Variants in C1orf21 observed in about 807,000 individuals in gnomAD.
The protein encoded by C1orf21 is uncharacterized protein C1orf21.
A neutral mutation model predicts 18.7 loss-of-function variants in C1orf21; 3 were observed. The ratio of observed to expected loss-of-function variants is 0.16; its 90% confidence interval spans 0.07 to 0.42. The LOEUF is 0.42. C1orf21 is among the 10% of genes least tolerant of loss of function. C1orf21 has a pLI of 0.99. For synonymous variants in C1orf21, 41 were observed against 46.4 expected, an observed-to-expected ratio of 0.88 and a Z score of 0.47; for missense variants, 104 against 143.6, an observed-to-expected ratio of 0.72 and a Z score of 1.41.
intron 3 of C1orf21, among the ~76,000 whole-genome samples, chr1:184,589,127 A>G (rs1322553364): frequency 2.0e-5 from 3 of 152,224 alleles, no homozygotes. Flanking sequence ...TGCCTCAGCA[A>G]TGTTTAAAAT....
At chr1:184,485,930 A>G (rs1657726484) in intron 2 of C1orf21, among the ~76,000 whole-genome samples, 1 of 152,166 alleles carries the variant, frequency 6.6e-6, no homozygotes, top group Non-Finnish European at 1.5e-5. Context: ...GAAGTGTTTG[A>G]CGGATTTGTG....
At chr1:184,542,059 C>G (rs763860851) in intron 3 of C1orf21, among the ~76,000 whole-genome samples, 1 of 152,116 alleles carries the variant, frequency 6.6e-6, no homozygotes, top group Non-Finnish European at 1.5e-5. Context: ...TCTTCTATAC[C>G]GGGTGCAGTC....
chr1:184,463,623 A>G (rs1192143256), intron 1 of C1orf21, among the ~76,000 whole-genome samples: 2 of 152,242 alleles, frequency 1.3e-5, no homozygotes, highest in Non-Finnish European at 2.9e-5. Flanking sequence ...CATCAAAACC[A>G]TGACTTGCCT....
intron 1 of C1orf21, among the ~76,000 whole-genome samples, chr1:184,461,446 C>T (rs1410272792): frequency 6.6e-6 from 1 of 152,152 alleles, no homozygotes; most frequent in Admixed American, 6.5e-5. Context: ...TCATTGCTGC[C>T]TCCCAAAGAT....
chr1:184,441,510 A>G (rs1178205720), intron 1 of C1orf21, among the ~76,000 whole-genome samples: 1 of 152,194 alleles, frequency 6.6e-6, no homozygotes, highest in African/African-American at 2.4e-5. Context: ...TTTAAATCCA[A>G]TTCCAAAATA....
At position 184,621,939 on chromosome 1, in the gene C1orf21, A is replaced by C. The variant is rs760404040; in HGVS notation, c.*2383A>C. The stretch of plus-strand genomic sequence containing the variant: ...ATAGATCCAAGAAATGGGGTGGTTG[A>C]GTGGGTCCGCACGAAATGCTTGATT... On this transcript the variant is annotated 3_prime_UTR_variant, in exon 6 of 6. Coordinates refer to ENST00000235307, the MANE Select transcript of C1orf21 (RefSeq NM_030806.4). 6.6e-6 allele frequency: 1 copy of C among 152,200 alleles called. No individual in the cohort carries two copies. Among genetic ancestry groups the C allele is most frequent in the Non-Finnish European group, 1.5e-5 (1 of 68,038 alleles). The allele number at this position is 152,200 out of a possible 1,614,324, so 9.4% of individuals were successfully genotyped here.
intron 3 of C1orf21, among the ~76,000 whole-genome samples, chr1:184,532,934 AC>A (rs1658489518): frequency 6.6e-6 from 1 of 152,204 alleles, no homozygotes; most frequent in South Asian, 2.1e-4. Context: ...AGGTGGTGCA[AC>A]AGTGATGACT....
At chr1:184,537,040 A>G (rs894353317) in intron 3 of C1orf21, among the ~76,000 whole-genome samples, 4 of 152,090 alleles carry the variant, frequency 2.6e-5, no homozygotes, top group Admixed American at 2.0e-4. Flanking sequence ...CAGGTTATAT[A>G]CGGGCTATGC....
At chr1:184,391,817 C>T (rs1337466419) in intron 1 of C1orf21, among the ~76,000 whole-genome samples, 1 of 152,068 alleles carries the variant, frequency 6.6e-6, no homozygotes, top group Non-Finnish European at 1.5e-5. Context: ...AAGCAATTCT[C>T]ATGCCTCAGC....
intron 5 of C1orf21, among the ~76,000 whole-genome samples, chr1:184,615,660 G>A (rs919968429): frequency 6.6e-6 from 1 of 152,164 alleles, no homozygotes; most frequent in African/African-American, 2.4e-5. Flanking sequence ...AATTAAATGA[G>A]ACATGAAGTC....
At chr1:184,569,313 C>T (rs1458843135) in intron 3 of C1orf21, among the ~76,000 whole-genome samples, 1 of 152,168 alleles carries the variant, frequency 6.6e-6, no homozygotes, top group Non-Finnish European at 1.5e-5. Context: ...AGCAGCAGTT[C>T]CCATTGCCAC....
chr1:184,575,568 A>G (rs1659173461), intron 3 of C1orf21, among the ~76,000 whole-genome samples: 1 of 150,040 alleles, frequency 6.7e-6, no homozygotes, highest in Non-Finnish European at 1.5e-5. Flanking sequence ...TTTTTCCATT[A>G]GTGAAAAACT....
chr1:184,526,938 G>A (rs1658385806), intron 3 of C1orf21, among the ~76,000 whole-genome samples: 1 of 152,298 alleles, frequency 6.6e-6, no homozygotes, highest in Middle Eastern at 3.4e-3. Context: ...TAAGAAGGAG[G>A]AGGCAAGCCA....
At chr1:184,471,674 G>A (rs1198347741) in intron 1 of C1orf21, among the ~76,000 whole-genome samples, 3 of 152,066 alleles carry the variant, frequency 2.0e-5, no homozygotes, top group Non-Finnish European at 1.5e-5. Context: ...CCTGAATCTA[G>A]CAGAAATGTG....
chr1:184,461,996 CA>C (rs1167580346), intron 1 of C1orf21, among the ~76,000 whole-genome samples: 7 of 152,180 alleles, frequency 4.6e-5, no homozygotes, highest in Non-Finnish European at 8.8e-5. Context: ...GAGTCCATTA[CA>C]GTGAGATGGA....
chr1:184,616,549 A>G (rs760837851), intron 5 of C1orf21, among the ~76,000 whole-genome samples: 32 of 152,220 alleles, frequency 2.1e-4, no homozygotes, highest in South Asian at 4.1e-4. Flanking sequence ...TGTCCCTCAA[A>G]AGGTGGGGTT....
rs1302780377 is a variant in C1orf21, at chr1:184,618,067, G to A, written c.328-1451G>A. 3.3e-5 allele frequency among the ~76,000 whole-genome samples: 5 copies of A among 151,998 alleles called. No homozygotes were observed. In the South Asian group the frequency reaches 6.2e-4, roughly 19 times the overall value. ...TGGGACTACAGGTGCCCGCCACCACGCCCAGCTAGTTTTTGTGTTTTTAGT... is the reference window on the plus strand; with the variant it reads ...TGGGACTACAGGTGCCCGCCACCACACCCAGCTAGTTTTTGTGTTTTTAGT... On this transcript the variant is annotated intron_variant, in intron 5 of 5. Coordinates refer to ENST00000235307, the MANE Select transcript of C1orf21 (RefSeq NM_030806.4).
intron 3 of C1orf21, among the ~76,000 whole-genome samples, chr1:184,575,886 T>C (rs1659182530): frequency 6.6e-6 from 1 of 151,324 alleles, no homozygotes; most frequent in Admixed American, 6.6e-5. Context: ...TTGATACAAA[T>C]AGGAAGACCC....
intron 3 of C1orf21, among the ~76,000 whole-genome samples, chr1:184,551,282 C>T (rs933597644): frequency 6.6e-6 from 1 of 151,944 alleles, no homozygotes; most frequent in African/African-American, 2.4e-5. Flanking sequence ...AAATGACTAC[C>T]TAACTAATAA....
Sources: gnomAD v4.1 joint callset for allele counts (sites outside exome capture counted in the v4.1 genomes callset) on GRCh38, gnomAD v4.1.1 for gene constraint, MANE v1.5 for transcripts, NCBI Gene and HGNC (gene_info 2026-07-23, HGNC 2026-07-21) for gene names.